The following PTPRJ variants were observed in gnomAD, a reference collection of about 807,000 sequenced individuals.
PTPRJ encodes the protein protein tyrosine phosphatase receptor type J, also known as receptor-type tyrosine-protein phosphatase eta.
PTPRJ carries 129 observed loss-of-function variants against 141.3 expected under a neutral mutation model. That is an observed-to-expected ratio of 0.91 (90% CI 0.79 to 1.06). The LOEUF is 1.06. PTPRJ is among the 50% of genes least tolerant of loss of function. The pLI is 0.00. For synonymous variants in PTPRJ, 610 were observed against 640.5 expected, an observed-to-expected ratio of 0.95 and a Z score of 0.72; for missense variants, 1,601 against 1,679.7, an observed-to-expected ratio of 0.95 and a Z score of 0.82.
In PTPRJ at chr11:48,167,653, A is replaced by G; in HGVS notation, c.*291A>G. On this transcript the variant is annotated 3_prime_UTR_variant, in exon 25 of 25. Coordinates refer to ENST00000418331, the MANE Select transcript of PTPRJ (RefSeq NM_002843.4). ...TGTGGAAAACCAGGAAAAGGGAGCT[A>G]TGATTTTTTTTTCCAAAACAATTTC... 1 of 277,730 alleles carries G rather than the reference A, an allele frequency of 3.6e-6. No homozygotes were observed. Among genetic ancestry groups the G allele is most frequent in the Non-Finnish European group, 6.6e-6 (1 of 151,080 alleles). The allele number at this position is 277,730 out of a possible 1,614,324, so 17.2% of individuals were successfully genotyped here.
At position 48,126,775 on chromosome 11, in the gene PTPRJ, AACACACACACAC is replaced by A. The variant is rs10599361; in HGVS notation, c.1094-971_1094-960del. On this transcript the variant is annotated intron_variant, in intron 6 of 24. Transcript: ENST00000418331. The stretch of plus-strand genomic sequence containing the variant: ...GGGACAGAAACATTCAGTCTGTTGC[AACACACACACAC>A]ACACACACACACACACACACACACA... 3.1e-3 allele frequency among the ~76,000 whole-genome samples: 427 copies of A among 137,242 alleles called. 1 individual carries two copies. The highest frequency in any genetic ancestry group is 4.8e-3 in the East Asian group (21 of 4,350). 90.0% of individuals were successfully genotyped at this position (137,242 alleles called of 152,430 possible). A position where few individuals can be genotyped will look rare whatever the true frequency, so the allele number is the denominator to read the frequency against.
chr11:48,002,039 C>T (rs1009860570), intron 1 of PTPRJ, among the ~76,000 whole-genome samples: 7 of 151,916 alleles, frequency 4.6e-5, no homozygotes, highest in Non-Finnish European at 7.4e-5. Context: ...CTTTTCAGGC[C>T]GGGGGTGTGC....
rs560017428 is a variant in PTPRJ at position 48,123,878 on chromosome 11, A to G, written c.874+8A>G. ...GCACAGAAGGTGGCTTGGGTGAGTTACAAAGGGTACCTTCCGTCTCCCTTA... is the reference window on the plus strand; with the variant it reads ...GCACAGAAGGTGGCTTGGGTGAGTTGCAAAGGGTACCTTCCGTCTCCCTTA... On this transcript the variant is annotated splice_region_variant and intron_variant, in intron 5 of 24. Transcript: ENST00000418331. 14 of 1,612,090 alleles carry G rather than the reference A, an allele frequency of 8.7e-6. No individual in the cohort carries two copies. The highest frequency in any genetic ancestry group is 1.1e-5 in the Non-Finnish European group (13 of 1,178,558).
In PTPRJ at chr11:48,063,918, A is replaced by ATGTGTGTG. The variant is rs113736420; in HGVS notation, c.97-46120_97-46113dup. ...ATTTGTTGTAGAAAGTTCTCAGCTT[A>ATGTGTGTG]TGTGTGTGTGTGTGTGTGTGTGTGT... On this transcript the variant is annotated intron_variant, in intron 1 of 24. Coordinates refer to ENST00000418331, the MANE Select transcript of PTPRJ (RefSeq NM_002843.4). Among the ~76,000 whole-genome samples the ATGTGTGTG allele has an allele frequency of 3.0e-3, 446 of 147,578 alleles. 1 individual carries two copies. The highest frequency in any genetic ancestry group is 9.1e-3 in the African/African-American group (367 of 40,330).
intron 15 of PTPRJ, among the ~76,000 whole-genome samples, chr11:48,148,933 A>G (rs1475895343): frequency 6.6e-6 from 1 of 152,200 alleles, no homozygotes; most frequent in East Asian, 1.9e-4. Flanking sequence ...GTCAGTGGGT[A>G]TGCGTGCTTT....
chr11:48,063,201 G>A (rs556779070), intron 1 of PTPRJ, among the ~76,000 whole-genome samples: 15 of 152,210 alleles, frequency 9.9e-5, no homozygotes, highest in Non-Finnish European at 1.6e-4. Flanking sequence ...GGTGGCACAC[G>A]TCTGTAATCC....
At chr11:48,062,784 C>T (rs546108036) in intron 1 of PTPRJ, among the ~76,000 whole-genome samples, 1 of 152,340 alleles carries the variant, frequency 6.6e-6, no homozygotes, top group Admixed American at 6.5e-5. Context: ...TCCCTGCCAA[C>T]TTTTCCAACA....
intron 1 of PTPRJ, chr11:48,015,720 G>C (rs764854805): frequency 1.3e-5 from 2 of 151,732 alleles, no homozygotes; most frequent in African/African-American, 4.9e-5. Context: ...GTATGGTAGC[G>C]TGCACCTGTA....
chr11:48,128,796 A>T (rs1856902091), intron 7 of PTPRJ, among the ~76,000 whole-genome samples: 1 of 152,128 alleles, frequency 6.6e-6, no homozygotes, highest in Admixed American at 6.5e-5. Context: ...GCAGGACTTG[A>T]ACTCAGGGGT....
chr11:48,020,961 G>T (rs1281436716), intron 1 of PTPRJ, among the ~76,000 whole-genome samples: 1 of 152,216 alleles, frequency 6.6e-6, no homozygotes, highest in Non-Finnish European at 1.5e-5. Context: ...CCCCAAAAGG[G>T]CAGGCTGGCT....
intron 1 of PTPRJ, among the ~76,000 whole-genome samples, chr11:48,041,155 A>G (rs187960910): frequency 8.9e-4 from 136 of 152,138 alleles, no homozygotes; most frequent in African/African-American, 3.2e-3. Context: ...CTCCCTCGCA[A>G]CTAGATCATT....
At chr11:48,030,540 C>T (rs1323058622) in intron 1 of PTPRJ, among the ~76,000 whole-genome samples, 1 of 152,016 alleles carries the variant, frequency 6.6e-6, no homozygotes. Flanking sequence ...GTCAGGAGTT[C>T]GAGACCAGCC....
Position 48,127,939 on chromosome 11 carries a change from G to A in PTPRJ, c.1253G>A (p.Arg418His), listed in dbSNP as rs61739179. ...DSSNLNVSEP[R>H]AVIPGLRSST... ...TCCAATCTCAACGTCAGTGAGCCTC[G>A]CGCTGTCATCCCCGGACTCCGCTCC... The change falls in exon 7 of 25, where the codon CGC becomes CAC. Residue 418 changes from arginine (R) to histidine (H), a missense_variant. Transcript: ENST00000418331. 9,387 of 1,614,106 alleles carry A rather than the reference G, an allele frequency of 5.8e-3. 64 individuals carry two copies. Among genetic ancestry groups the A allele is most frequent in the Non-Finnish European group, 6.1e-3 (7,176 of 1,180,016 alleles).
intron 1 of PTPRJ, among the ~76,000 whole-genome samples, chr11:47,996,913 CCA>C (rs1429605836): frequency 3.3e-5 from 5 of 152,208 alleles, no homozygotes; most frequent in Admixed American, 6.5e-5. Context: ...TTCTATCCGG[CCA>C]CAGAGTTTGG....
intron 22 of PTPRJ, 61 bp downstream of exon 22, chr11:48,160,110 A>T: frequency 6.3e-7 from 1 of 1,586,562 alleles, no homozygotes; most frequent in Non-Finnish European, 8.6e-7. Context: ...TTTGGGGGTG[A>T]TATGTTTTAG....
intron 1 of PTPRJ, among the ~76,000 whole-genome samples, chr11:48,029,963 A>G (rs1435444223): frequency 1.3e-5 from 2 of 152,218 alleles, no homozygotes; most frequent in Non-Finnish European, 2.9e-5. Flanking sequence ...GCCCCTGATG[A>G]GTGCCTCCGG....
chr11:48,147,505 T>C (rs966424307), intron 15 of PTPRJ, among the ~76,000 whole-genome samples: 1 of 152,226 alleles, frequency 6.6e-6, no homozygotes, highest in East Asian at 1.9e-4. Flanking sequence ...CTGTTTTGAG[T>C]GCTCACCGTG....
rs1355440464 is a variant in PTPRJ, at chr11:48,053,209, TATATA to T, written c.97-56843_97-56839del. 1.0e-3 allele frequency among the ~76,000 whole-genome samples: 100 copies of T among 95,254 alleles called. 1 individual carries two copies. Among genetic ancestry groups the T allele is most frequent in the African/African-American group, 4.2e-3 (94 of 22,528 alleles). The allele number at this position is 95,254 out of a possible 152,430, so 62.5% of individuals were successfully genotyped here. ...TATATAAAAATATATAAATATATTA[TATATA>T]ATATATTAAATATATTATATATAAT... On this transcript the variant is annotated intron_variant, in intron 1 of 24. Transcript: ENST00000418331.
At chr11:48,085,689 G>C (rs1263752345) in intron 1 of PTPRJ, among the ~76,000 whole-genome samples, 2 of 152,110 alleles carry the variant, frequency 1.3e-5, no homozygotes, top group Non-Finnish European at 2.9e-5. Context: ...GCTCTTTGGG[G>C]TCCTCAATAA....
Sources: gnomAD v4.1 joint callset for allele counts (sites outside exome capture counted in the v4.1 genomes callset) on GRCh38, gnomAD v4.1.1 for gene constraint, MANE v1.5 for transcripts, NCBI Gene and HGNC (gene_info 2026-07-23, HGNC 2026-07-21) for gene names.